Variants in SRGAP2 observed in about 807,000 individuals in gnomAD.
The protein encoded by SRGAP2 is SLIT-ROBO Rho GTPase-activating protein 2.
Under a neutral mutation model 57.2 loss-of-function variants are expected in SRGAP2, and 15 were observed. The ratio of observed to expected loss-of-function variants is 0.26; its 90% CI spans 0.18 to 0.40. SRGAP2 has a LOEUF of 0.40. Among genes scored for constraint, SRGAP2 ranks in the 10% least tolerant of loss-of-function variants. The pLI is 1.00. For synonymous variants in SRGAP2, 249 were observed against 248.0 expected (o/e 1.00, Z -0.04); for missense variants, 520 against 669.6 (o/e 0.78, Z 2.47).
At chr1:206,445,529 G>A (rs11579993) in intron 17 of SRGAP2, among the ~76,000 whole-genome samples, 86,666 of 152,060 alleles carry the variant, frequency 0.57, 25,646 homozygotes, top group East Asian at 0.73. Flanking sequence ...GATGGAATAC[G>A]AAAGCTAATC....
rs1664395133 is a variant in SRGAP2, at chr1:206,463,618, A to G, written c.*2198A>G. The G allele has an allele frequency of 6.6e-6, 1 of 152,610 alleles. No homozygotes were observed. The highest frequency in any genetic ancestry group is 1.5e-5 in the Non-Finnish European group (1 of 68,086). The allele number at this position is 152,610 out of a possible 1,614,324, so 9.5% of individuals were successfully genotyped here. A position where few individuals can be genotyped will look rare whatever the true frequency, so the allele number is the denominator to read the frequency against. On this transcript the variant is annotated 3_prime_UTR_variant, in exon 23 of 23. Coordinates refer to ENST00000573034, the MANE Select transcript of SRGAP2 (RefSeq NM_015326.5). The stretch of plus-strand genomic sequence containing the variant: ...TCAACCCTGTACATGACTCGTGTTC[A>G]CCATCCCCTTGATCAGTGTCCATCC...
intron 14 of SRGAP2, among the ~76,000 whole-genome samples, chr1:206,432,357 G>A (rs1458511800): frequency 2.0e-5 from 3 of 152,076 alleles, no homozygotes; most frequent in African/African-American, 7.2e-5. Flanking sequence ...TCTTTGGAAG[G>A]GAATTTGGCA....
intron 5 of SRGAP2, among the ~76,000 whole-genome samples, chr1:206,389,547 C>T (rs1380556184): frequency 1.7e-4 from 26 of 151,854 alleles, no homozygotes; most frequent in Non-Finnish European, 2.9e-4. Context: ...TATTTCTCTT[C>T]GGGCTTCTGT....
intron 18 of SRGAP2, among the ~76,000 whole-genome samples, chr1:206,447,694 C>T (rs995719731): frequency 6.6e-6 from 1 of 152,180 alleles, no homozygotes; most frequent in Non-Finnish European, 1.5e-5. Context: ...TGGTGAAAAG[C>T]TGTAGAATAG....
At chr1:206,410,814 T>G (rs1428786161) in intron 10 of SRGAP2, among the ~76,000 whole-genome samples, 11 of 152,226 alleles carry the variant, frequency 7.2e-5, no homozygotes, top group Non-Finnish European at 1.6e-4. Flanking sequence ...GCTCGCTGTT[T>G]AGCCAAGGTT....
At position 206,380,433 on chromosome 1, in the gene SRGAP2, A is replaced by G. The variant is rs1399898679; in HGVS notation, c.424-3581A>G. On this transcript the variant is annotated intron_variant, in intron 4 of 22. Transcript: ENST00000573034. ...ACCATCACACTTCCCATCCGATAGA[A>G]CCAGCATTGTTAACTGTACCACATC... Among the ~76,000 whole-genome samples the G allele has an allele frequency of 8.1e-5, 12 of 147,690 alleles. 1 individual carries two copies. The highest frequency in any genetic ancestry group is 2.7e-4 in the Admixed American group (4 of 14,962).
intron 2 of SRGAP2, among the ~76,000 whole-genome samples, chr1:206,300,909 T>C (rs1292735547): frequency 7.9e-5 from 12 of 151,786 alleles, no homozygotes; most frequent in Admixed American, 7.9e-4. Context: ...AGGTAAATTC[T>C]TGAGTGCATT....
chr1:206,237,502 A>G (rs1466862820), intron 2 of SRGAP2, among the ~76,000 whole-genome samples: 1 of 152,046 alleles, frequency 6.6e-6, no homozygotes, highest in Non-Finnish European at 1.5e-5. Context: ...ATTCTTCCAG[A>G]TTTTTAAGCT....
Position 206,453,242 on chromosome 1 carries a change from G to T in SRGAP2, c.2222G>T (p.Gly741Val). 1 of 661,848 alleles carries T rather than the reference G, an allele frequency of 1.5e-6. No homozygotes were observed. Among genetic ancestry groups the T allele is most frequent in the Admixed American group, 2.2e-5 (1 of 45,172 alleles). 41.0% of individuals were successfully genotyped at this position (661,848 alleles called of 1,614,324 possible). ...IEAIAKFDYVGRTARELSFKK... is the reference protein window; with the variant it reads ...IEAIAKFDYVVRTARELSFKK... ...GCCATTGCCAAGTTTGACTACGTGG[G>T]CCGGACAGCCCGAGAGCTATCCTTT... Residue 741 changes from glycine (G) to valine (V), a missense_variant, in exon 20 of 23, where the codon GGC becomes GTC. By Grantham distance (109) the Gly-to-Val change is moderately radical. This residue lies in a region of SRGAP2 where 478 missense variants were observed against 373.6 expected (regional missense o/e 1.28). Coordinates refer to ENST00000573034, the MANE Select transcript of SRGAP2 (RefSeq NM_015326.5).
chr1:206,411,199 T>G (rs1208344623), intron 10 of SRGAP2, among the ~76,000 whole-genome samples: 1 of 152,230 alleles, frequency 6.6e-6, no homozygotes, highest in Non-Finnish European at 1.5e-5. Flanking sequence ...AATTAGGTTC[T>G]TTTATGGGGG....
In SRGAP2 at chr1:206,414,233, C is replaced by T. The variant is rs192012123; in HGVS notation, c.1357-1656C>T. Among the ~76,000 whole-genome samples, 947 of 151,936 alleles carry T rather than the reference C, an allele frequency of 6.2e-3. 6 individuals are homozygous for T. Among genetic ancestry groups the T allele is most frequent in the African/African-American group, 0.022 (905 of 41,430 alleles). On this transcript the variant is annotated intron_variant, in intron 10 of 22. Coordinates refer to ENST00000573034, the MANE Select transcript of SRGAP2 (RefSeq NM_015326.5). The stretch of plus-strand genomic sequence containing the variant: ...TATTTTTTTGTTAGAGATGGGGTTT[C>T]ACCATGTTGGCCAGGCTGGTCTCAA...
chr1:206,355,241 T>A (rs1340886033), intron 4 of SRGAP2, among the ~76,000 whole-genome samples: 2 of 152,226 alleles, frequency 1.3e-5, no homozygotes, highest in African/African-American at 4.8e-5. Context: ...TCCTGCAAAA[T>A]CTCCCATCTT....
chr1:206,398,847 G>A (rs1333708663), intron 7 of SRGAP2, among the ~76,000 whole-genome samples: 7 of 152,208 alleles, frequency 4.6e-5, no homozygotes, highest in African/African-American at 1.7e-4. Flanking sequence ...CTTCCCAGAG[G>A]CTAAGAATTT....
chr1:206,420,212 A>G (rs1201142541), intron 12 of SRGAP2, among the ~76,000 whole-genome samples: 1 of 152,208 alleles, frequency 6.6e-6, no homozygotes, highest in Non-Finnish European at 1.5e-5. Flanking sequence ...GGCCATTTAC[A>G]ATTATAGGTT....
intron 17 of SRGAP2, among the ~76,000 whole-genome samples, chr1:206,443,536 G>A (rs781868285): frequency 6.6e-6 from 1 of 152,032 alleles, no homozygotes; most frequent in Admixed American, 6.6e-5. Context: ...CTCCACGCCA[G>A]ACTAATTTTT....
At chr1:206,419,504 T>A (rs1660104783) in intron 12 of SRGAP2, 104 bp downstream of exon 12, 1 of 758,484 alleles carries the variant, frequency 1.3e-6, no homozygotes, top group Non-Finnish European at 2.5e-6. Flanking sequence ...AGGCATTGAA[T>A]GACTTTACAA....
intron 17 of SRGAP2, among the ~76,000 whole-genome samples, chr1:206,443,110 C>G (rs1558438776): frequency 1.3e-5 from 2 of 152,158 alleles, no homozygotes; most frequent in Non-Finnish European, 2.9e-5. Flanking sequence ...AAGTAAGTTT[C>G]CCAACACCAA....
intron 2 of SRGAP2, among the ~76,000 whole-genome samples, chr1:206,217,450 A>G (rs1292566890): frequency 6.6e-6 from 1 of 152,150 alleles, no homozygotes; most frequent in African/African-American, 2.4e-5. Flanking sequence ...GGCTACCATG[A>G]TTTTGGAGAT....
intron 2 of SRGAP2, among the ~76,000 whole-genome samples, chr1:206,285,002 T>A (rs1161011824): frequency 6.6e-6 from 1 of 151,864 alleles, no homozygotes; most frequent in Middle Eastern, 3.4e-3. Flanking sequence ...AGGTTGTTGA[T>A]TTTTTAAAAA....
Sources: allele counts gnomAD v4.1 joint callset (sites outside exome capture counted in the v4.1 genomes callset), GRCh38; gene constraint gnomAD v4.1.1; regional missense constraint gnomAD v4.1.1; transcripts MANE v1.5; gene names NCBI Gene and HGNC (gene_info 2026-07-23, HGNC 2026-07-21).